The following LTBP4 variants were observed in gnomAD, a reference collection of about 807,000 sequenced individuals.
LTBP4 encodes the protein latent-transforming growth factor beta-binding protein 4.
A neutral mutation model predicts 180.2 loss-of-function variants in LTBP4; 93 were observed. The observed-to-expected ratio is 0.52, with a 90% CI of 0.44 to 0.61. The LOEUF (loss-of-function observed/expected upper bound fraction) is 0.61, where lower values mean the gene tolerates loss of function less well. Among genes scored for constraint, LTBP4 ranks in the 20% least tolerant of loss-of-function variants. The pLI, the probability that LTBP4 is intolerant of heterozygous loss-of-function variation, is 0.00. For missense variants in LTBP4, 2,116 were observed against 2,256.5 expected (o/e 0.94, Z 1.26); for synonymous variants, 947 against 934.5 (o/e 1.01, Z -0.24).
At chr19:40,617,414 C>A (rs1433220335) in intron 21 of LTBP4, among the ~76,000 whole-genome samples, 189 bp downstream of exon 21, 1 of 152,076 alleles carries the variant, frequency 6.6e-6, no homozygotes, top group African/African-American at 2.4e-5. Flanking sequence ...GAGGCCGAGG[C>A]GGGCAGATCA....
Position 40,606,406 on chromosome 19 carries a change from G to A in LTBP4, c.871G>A (p.Val291Met). 1 of 1,606,182 alleles carries A rather than the reference G, an allele frequency of 6.2e-7. No homozygotes were observed. Among genetic ancestry groups the A allele is most frequent in the Non-Finnish European group, 8.5e-7 (1 of 1,175,740 alleles). Residue 291 changes from valine to methionine, a missense_variant and splice_region_variant, in exon 6 of 30, where the codon GTG becomes ATG. Val to Met is a conservative substitution (Grantham distance 21). Coordinates refer to ENST00000396819, the MANE Select transcript of LTBP4 (RefSeq NM_001042545.2). ...FERVNGSCEDVDECATGGRCQ... is the reference protein window; with the variant it reads ...FERVNGSCEDMDECATGGRCQ... ...GGTGACCTCCCCAACCCTGGCAGAT[G>A]TGGATGAGTGCGCGACTGGCGGGCG...
At chr19:40,610,804 CAGTAGAGAG>C in intron 12 of LTBP4, 147 bp downstream of exon 12, 2 of 1,230,118 alleles carry the variant, frequency 1.6e-6, no homozygotes, top group Non-Finnish European at 1.1e-6. Context: ...GGCCTGATGG[CAGTAGAGAG>C]AGACCTGGGA....
Position 40,605,284 on chromosome 19 carries a change from CT to C in LTBP4, c.442+59del, listed in dbSNP as rs1363835269. ...CCCTGTCAAGCATTTCACTTTGCCC[CT>C]GACCCTCATATTTCCCGCCTTCCCG... On this transcript the variant is annotated intron_variant, in intron 2 of 29. Coordinates refer to ENST00000396819, the MANE Select transcript of LTBP4 (RefSeq NM_001042545.2). The surrounding 1 kb of genome is among the most constrained non-coding windows in gnomAD (Gnocchi z 5.5). 90 of 1,558,142 alleles carry C rather than the reference CT, an allele frequency of 5.8e-5. No homozygotes were observed. Among genetic ancestry groups the C allele is most frequent in the African/African-American group, 2.7e-4 (20 of 73,752 alleles).
intron 6 of LTBP4, 55 bp from the exon 7 acceptor site, chr19:40,607,310 A>G (rs1330064486): frequency 8.6e-7 from 1 of 1,164,622 alleles, no homozygotes; most frequent in East Asian, 4.1e-5. Flanking sequence ...CAAATCCCTC[A>G]GTGCTACAGC....
chr19:40,607,318 A>T (rs932873305), intron 6 of LTBP4, 47 bp from the exon 7 acceptor site: 1 of 1,522,816 alleles, frequency 6.6e-7, no homozygotes, highest in Non-Finnish European at 8.8e-7. Flanking sequence ...TCAGTGCTAC[A>T]GCATTCCCAG....
chr19:40,597,938 C>T (rs1031155315), upstream of LTBP4, among the ~76,000 whole-genome samples: 1 of 152,018 alleles, frequency 6.6e-6, no homozygotes, highest in Non-Finnish European at 1.5e-5. Context: ...GGGGAGTCCT[C>T]AGGCTTCAGA....
At position 40,613,517 on chromosome 19, in the gene LTBP4, G is replaced by C; in HGVS notation, c.2545G>C (p.Ala849Pro). The change falls in exon 17 of 30, where the codon GCC (alanine) becomes CCC (proline). Residue 849 changes from alanine to proline, a missense_variant. Around this residue, in one of 5 missense-constraint regions of LTBP4, gnomAD observed 877 missense variants for 873.6 expected, o/e 1.00. Coordinates refer to ENST00000396819, the MANE Select transcript of LTBP4 (RefSeq NM_001042545.2). The surrounding 1 kb of genome is among the most constrained non-coding windows in gnomAD (Gnocchi z 5.0). Reference sequence around the variant, plus strand: ...TGGCTACCGACCCGGACCCCGCGGAGCCTCTTGCCTCGGTTCGTACCCGGG... The same window carrying C: ...TGGCTACCGACCCGGACCCCGCGGACCCTCTTGCCTCGGTTCGTACCCGGG... ...APGYRPGPRG[A>P]SCLDVDECSE... 1.3e-6 allele frequency: 2 copies of C among 1,569,848 alleles called. No homozygotes were observed. Among genetic ancestry groups the C allele is most frequent in the Admixed American group, 1.9e-5 (1 of 53,766 alleles).
In LTBP4 at chr19:40,605,763, A is replaced by T; in HGVS notation, c.725A>T (p.Glu242Val). ...CCGCTGCCCGGGCTCCGGACGCAGGAGGTCTGCTGCCGAGGGGCCGGCTTG... is the reference window on the plus strand; with the variant it reads ...CCGCTGCCCGGGCTCCGGACGCAGGTGGTCTGCTGCCGAGGGGCCGGCTTG... ...ASPLPGLRTQ[E>V]VCCRGAGLAW... Residue 242 changes from glutamate (E) to valine (V), a missense_variant, in exon 4 of 30, where the codon GAG becomes GTG. Around this residue, in one of 5 missense-constraint regions of LTBP4, gnomAD observed 469 missense variants for 532.5 expected, o/e 0.88. Coordinates refer to ENST00000396819, the MANE Select transcript of LTBP4 (RefSeq NM_001042545.2). This position sits in a 1 kb window ranked among gnomAD's most constrained non-coding sequence, Gnocchi z 5.5. The T allele has an allele frequency of 6.5e-7, 1 of 1,543,798 alleles. No homozygotes were observed. Among genetic ancestry groups the T allele is most frequent in the Non-Finnish European group, 8.7e-7 (1 of 1,146,698 alleles).
chr19:40,619,366 A>G lies in LTBP4; in HGVS notation c.3090A>G (p.Thr1030=), dbSNP rs937394269. The G allele has an allele frequency of 1.9e-6, 3 of 1,613,894 alleles. No individual in the cohort carries two copies. Among genetic ancestry groups the G allele is most frequent in the Non-Finnish European group, 8.5e-7 (1 of 1,179,818 alleles). ...TTACAGATGTGAACGAGTGTGAAAC[A>G]CTACAGGGTGTATGTGGAGCTGCCC... ...RHCVDVNECE[T]LQGVCGAALC... The change falls in exon 22 of 30, where the codon ACA becomes ACG. Residue 1030 remains threonine (T), a synonymous_variant. Transcript: ENST00000396819.
rs1387898654 is a variant in LTBP4 at position 40,619,478 on chromosome 19, C to T, written c.3202C>T (p.Pro1068Ser). 6.2e-7 allele frequency: 1 copy of T among 1,610,962 alleles called. No homozygotes were observed. The highest frequency in any genetic ancestry group is 1.3e-5 in the African/African-American group (1 of 74,964). The stretch of plus-strand genomic sequence containing the variant: ...CCCCATGACTGGACGCTGTGTTCCC[C>T]CACGAACTTCTGCTGGTGAGACTGA... ...FDPMTGRCVP[P>S]RTSAGTFPGS... Residue 1068 changes from proline (P) to serine (S), a missense_variant, in exon 22 of 30, where the codon CCA becomes TCA. Pro to Ser is a moderately conservative substitution (Grantham distance 74). Transcript: ENST00000396819.
chr19:40,613,638 T>G lies in LTBP4; in HGVS notation c.2557+109T>G. On this transcript the variant is annotated intron_variant, in intron 17 of 29. Transcript: ENST00000396819. This position sits in a 1 kb window ranked among gnomAD's most constrained non-coding sequence, Gnocchi z 5.0. Reference sequence around the variant, plus strand: ...GGAAAACGAGTTTTTAGCCGGGGTATTCCAGCAGGATCAGGGGGCAGCTGG... The same window carrying G: ...GGAAAACGAGTTTTTAGCCGGGGTAGTCCAGCAGGATCAGGGGGCAGCTGG... 1 of 1,510,558 alleles carries G rather than the reference T, an allele frequency of 6.6e-7. No individual in the cohort carries two copies. Among genetic ancestry groups the G allele is most frequent in the Non-Finnish European group, 8.9e-7 (1 of 1,123,846 alleles). The allele number at this position is 1,510,558 out of a possible 1,614,324, so 93.6% of individuals were successfully genotyped here.
chr19:40,597,033 C>T (rs2081394197), upstream of LTBP4, among the ~76,000 whole-genome samples: 1 of 152,162 alleles, frequency 6.6e-6, no homozygotes, highest in Non-Finnish European at 1.5e-5. Context: ...GGCACCTGTC[C>T]CTGCTGCCTC....
At chr19:40,610,694 A>G in intron 12 of LTBP4, 37 bp downstream of exon 12, 1 of 1,559,586 alleles carries the variant, frequency 6.4e-7, no homozygotes, top group Non-Finnish European at 8.7e-7. Context: ...AAGGGGTGTG[A>G]GCGGTTGGGT....
At chr19:40,625,267 TATATATATATATATATATA>T (rs2081617433) in intron 26 of LTBP4, among the ~76,000 whole-genome samples, 1 of 2,722 alleles carries the variant, frequency 3.7e-4, no homozygotes, top group Admixed American at 2.6e-3. Context: ...TATATATATA[TATATATATATATATATATA>T]TATATATATA....
At chr19:40,625,253 TA>T (rs1175100438) in intron 26 of LTBP4, among the ~76,000 whole-genome samples, 225 of 1,838 alleles carry the variant, frequency 0.12, 15 homozygotes, top group Middle Eastern at 0.5. Context: ...TTTTTGTATT[TA>T]TATATATATA....
chr19:40,617,135 G>T lies in LTBP4; in HGVS notation c.2980G>T (p.Ala994Ser). Residue 994 changes from alanine to serine, a missense_variant, in exon 21 of 30, where the codon GCC (alanine) becomes TCC (serine). Transcript: ENST00000396819. ...DECRNRSFCG[A>S]HAVCQNLPGS... ...ATGCCGGAACCGGTCCTTCTGCGGT[G>T]CCCACGCCGTGTGCCAGAACCTGCC... 1 of 1,614,030 alleles carries T rather than the reference G, an allele frequency of 6.2e-7. No individual in the cohort carries two copies. Among genetic ancestry groups the T allele is most frequent in the Non-Finnish European group, 8.5e-7 (1 of 1,179,892 alleles).
chr19:40,626,115 G>A lies in LTBP4; in HGVS notation c.3985+106G>A, dbSNP rs2081632075. On this transcript the variant is annotated intron_variant, in intron 27 of 29. Coordinates refer to ENST00000396819, the MANE Select transcript of LTBP4 (RefSeq NM_001042545.2). ...AACCCCCAGACTCTATCCAAACTCT[G>A]TCCCCTAGACCAACCCCTATGTCGC... is the stretch of plus-strand genomic sequence containing the variant. The A allele has an allele frequency of 9.8e-6, 13 of 1,325,810 alleles. No homozygotes were observed. In the East Asian group the frequency reaches 3.6e-4, roughly 37 times the overall value. The allele number at this position is 1,325,810 out of a possible 1,614,324, so 82.1% of individuals were successfully genotyped here. A position where few individuals can be genotyped will look rare whatever the true frequency, so the allele number is the denominator to read the frequency against.
rs1368694322 is a variant in LTBP4, at chr19:40,617,192, T to G, written c.3037T>G (p.Tyr1013Asp). 6.2e-7 allele frequency: 1 copy of G among 1,613,598 alleles called. No homozygotes were observed. The highest frequency in any genetic ancestry group is 1.3e-5 in the African/African-American group (1 of 74,868). The change falls in exon 21 of 30, where the codon TAC becomes GAC. Residue 1013 changes from tyrosine to aspartate, a missense_variant. By Grantham distance (160) the Tyr-to-Asp change is radical. This residue lies in a region of LTBP4 where 278 missense variants were observed against 373.0 expected (regional missense o/e 0.75). Transcript: ENST00000396819. ...CTTCCAGTGCCTCTGTGACCAGGGT[T>G]ACGAGGGGGCACGGGATGGGCGTCA... ...GSFQCLCDQG[Y>D]EGARDGRHCV...
intron 27 of LTBP4, 113 bp from the exon 28 acceptor site, chr19:40,626,862 C>T (rs2081636932): frequency 1.5e-6 from 2 of 1,313,766 alleles, no homozygotes; most frequent in Non-Finnish European, 9.9e-7. Context: ...AACCCCGGGG[C>T]CACCCAGGAC....
Sources: allele counts gnomAD v4.1 joint callset (sites outside exome capture counted in the v4.1 genomes callset), GRCh38; gene constraint gnomAD v4.1.1; regional missense constraint gnomAD v4.1.1; non-coding constraint Gnocchi (gnomAD v3.1); transcripts MANE v1.5; gene names NCBI Gene and HGNC (gene_info 2026-07-23, HGNC 2026-07-21).